Variants in DPM2 observed in about 807,000 individuals in gnomAD.
DPM2 encodes the protein dolichol phosphate-mannose biosynthesis regulatory protein.
A neutral mutation model predicts 12.1 loss-of-function variants in DPM2; 8 were observed. The ratio of observed to expected loss-of-function variants is 0.66; its 90% CI spans 0.39 to 1.19. DPM2 has a LOEUF of 1.19. DPM2 is among the 50% of genes most tolerant of loss of function. The pLI is 0.01. For missense variants in DPM2, 93 were observed against 102.5 expected, an observed-to-expected ratio of 0.91 and a Z score of 0.40; for synonymous variants, 38 against 44.7, an observed-to-expected ratio of 0.85 and a Z score of 0.60.
chr9:127,936,164 C>A, intron 3 of DPM2: 1 of 980,398 alleles, frequency 1.0e-6, no homozygotes, highest in Non-Finnish European at 1.4e-6. Flanking sequence ...ACTGACTCAT[C>A]CAAATGACTT....
At chr9:127,937,649 G>A in intron 1 of DPM2, 126 bp from the exon 2 acceptor site, 1 of 1,203,730 alleles carries the variant, frequency 8.3e-7, no homozygotes. Flanking sequence ...GGCTGACTAG[G>A]GATCAGTTTC....
chr9:127,937,501 A>T lies in DPM2; in HGVS notation c.26T>A (p.Val9Glu). 1 of 1,613,980 alleles carries T rather than the reference A, an allele frequency of 6.2e-7. No individual in the cohort carries two copies. The highest frequency in any genetic ancestry group is 8.5e-7 in the Non-Finnish European group (1 of 1,179,874). MATGTDQV[V>E]GLGLVAVSLI... is the part of the protein sequence containing the mutation. ...GCTAACGGCGACGAGGCCGAGTCCC[A>T]CCACCTGGTCTGTCCCCGTGGCCTG... is the stretch of plus-strand genomic sequence containing the variant. Residue 9 changes from valine (V) to glutamate (E), a missense_variant, in exon 2 of 4, where the codon GTG becomes GAG. Coordinates refer to ENST00000314392, the MANE Select transcript of DPM2 (RefSeq NM_003863.4).
At chr9:127,936,411 A>G (rs1470788234) in intron 3 of DPM2, 142 bp downstream of exon 3, 4 of 1,580,588 alleles carry the variant, frequency 2.5e-6, no homozygotes, top group Non-Finnish European at 2.6e-6. Flanking sequence ...ACTGACTGGC[A>G]GCCTCGAAGG....
intron 3 of DPM2, chr9:127,936,290 G>A: frequency 1.4e-6 from 2 of 1,446,998 alleles, no homozygotes; most frequent in Non-Finnish European, 1.8e-6. Context: ...AAGCCAGGGT[G>A]ACAAGAGGGT....
intron 3 of DPM2, 124 bp downstream of exon 3, chr9:127,936,429 G>T: frequency 6.2e-7 from 1 of 1,602,160 alleles, no homozygotes; most frequent in Non-Finnish European, 8.5e-7. Flanking sequence ...AGGATGAACA[G>T]GAAAACCCCA....
Position 127,935,598 on chromosome 9 carries a change from C to T in DPM2, c.*124G>A. The T allele has an allele frequency of 1.0e-6, 1 of 957,664 alleles. No homozygotes were observed. The highest frequency in any genetic ancestry group is 1.6e-6 in the Non-Finnish European group (1 of 615,024). The allele number at this position is 957,664 out of a possible 1,614,324, so 59.3% of individuals were successfully genotyped here. A position where few individuals can be genotyped will look rare whatever the true frequency, so the allele number is the denominator to read the frequency against. On this transcript the variant is annotated 3_prime_UTR_variant, in exon 4 of 4. Coordinates refer to ENST00000314392, the MANE Select transcript of DPM2 (RefSeq NM_003863.4). ...AGGTGTAAGCTCCATGCCATGGGGA[C>T]TCTGCAGGACAGGCAGGCTTGAGGA...
intron 2 of DPM2, chr9:127,937,169 C>T (rs1479639447): frequency 1.6e-5 from 6 of 378,326 alleles, no homozygotes; most frequent in African/African-American, 1.2e-4. Flanking sequence ...AACAGAACTC[C>T]CCCAAAAGTC....
At chr9:127,935,872 G>A in intron 3 of DPM2, 92 bp from the exon 4 acceptor site, 1 of 1,298,440 alleles carries the variant, frequency 7.7e-7, no homozygotes, top group Non-Finnish European at 1.1e-6. Flanking sequence ...CCCACACACA[G>A]GGCTGTGAAC....
rs775355549 is a variant in DPM2, at chr9:127,937,826, C to T, written c.-6G>A. 5.6e-6 allele frequency: 9 copies of T among 1,602,844 alleles called. No individual in the cohort carries two copies. Among genetic ancestry groups the T allele is most frequent in the South Asian group, 2.2e-5 (2 of 89,178 alleles). On this transcript the variant is annotated 5_prime_UTR_variant, in exon 1 of 4. Coordinates refer to ENST00000314392, the MANE Select transcript of DPM2 (RefSeq NM_003863.4). ...CACGGTGCCAATCTCACCATTTCCC[C>T]GCGCGCTCAGCCACCCGAGCCGCAA...
chr9:127,935,425 G>T lies in DPM2; in HGVS notation c.*297C>A. ...AGTGAGGCAAGACGGCAGAACCCAG[G>T]GGAAAAGGTGGCAGGGAGTCTGAGA... On this transcript the variant is annotated 3_prime_UTR_variant, in exon 4 of 4. Coordinates refer to ENST00000314392, the MANE Select transcript of DPM2 (RefSeq NM_003863.4). The T allele has an allele frequency of 2.0e-6, 1 of 496,152 alleles. No homozygotes were observed. The highest frequency in any genetic ancestry group is 3.7e-6 in the Non-Finnish European group (1 of 272,720). 30.7% of individuals were successfully genotyped at this position (496,152 alleles called of 1,614,324 possible). A position where few individuals can be genotyped will look rare whatever the true frequency, so the allele number is the denominator to read the frequency against.
At chr9:127,936,013 G>T in intron 3 of DPM2, 1 of 599,676 alleles carries the variant, frequency 1.7e-6, no homozygotes, top group Non-Finnish European at 2.9e-6. Context: ...TAGTGTTTCA[G>T]ATTCCAAGGG....
chr9:127,936,340 G>GA lies in DPM2; in HGVS notation c.196+212dup, dbSNP rs775944344. ...CAGAGTGATGATGGGGTTGGGGCAG[G>GA]AAAGAGGTAGACAGGTCATTGGAGT... is the stretch of plus-strand genomic sequence containing the variant. On this transcript the variant is annotated intron_variant, in intron 3 of 3. Transcript: ENST00000314392. 3 of 1,498,508 alleles carry GA rather than the reference G, an allele frequency of 2.0e-6. No individual in the cohort carries two copies. In the South Asian group the frequency reaches 3.9e-5, roughly 19 times the overall value. The allele number at this position is 1,498,508 out of a possible 1,614,324, so 92.8% of individuals were successfully genotyped here.
intron 3 of DPM2, 107 bp downstream of exon 3, chr9:127,936,446 A>AGTTCG: frequency 6.2e-7 from 1 of 1,609,684 alleles, no homozygotes; most frequent in Non-Finnish European, 8.5e-7. Context: ...CCCACGGGTG[A>AGTTCG]GTTCGGGGCA....
chr9:127,936,806 T>TG, intron 2 of DPM2, 151 bp from the exon 3 acceptor site: 1 of 642,376 alleles, frequency 1.6e-6, no homozygotes, highest in Non-Finnish European at 2.3e-6. Flanking sequence ...TTGGGTGTCG[T>TG]GGTTTGTTTC....
rs1298413926 is a variant in DPM2 at position 127,935,553 on chromosome 9, G to T, written c.*169C>A. 1 of 686,400 alleles carries T rather than the reference G, an allele frequency of 1.5e-6. No individual in the cohort carries two copies. The highest frequency in any genetic ancestry group is 2.5e-6 in the Non-Finnish European group (1 of 394,748). The allele number at this position is 686,400 out of a possible 1,614,324, so 42.5% of individuals were successfully genotyped here. ...CCTAGCTTCTGGAAGTGGGAGTCGG[G>T]GAGGGGGCTCCAGTCAGTCAGGTGT... On this transcript the variant is annotated 3_prime_UTR_variant, in exon 4 of 4. Transcript: ENST00000314392.
At position 127,937,439 on chromosome 9, in the gene DPM2, G is replaced by C. The variant is rs886063483; in HGVS notation, c.88C>G (p.Leu30Val). 1.9e-6 allele frequency: 3 copies of C among 1,612,496 alleles called. No individual in the cohort carries two copies. Among genetic ancestry groups the C allele is most frequent in the Non-Finnish European group, 2.5e-6 (3 of 1,178,906 alleles). The change falls in exon 2 of 4, where the codon CTC becomes GTC. Residue 30 changes from leucine (L) to valine (V), a missense_variant. By Grantham distance (32) the Leu-to-Val change is conservative. Transcript: ENST00000314392. Reference protein sequence around the residue: ...IFTYYTAWVILLPFIDSQHVI... With the variant: ...IFTYYTAWVIVLPFIDSQHVI... ...GGACGGGGAGAATGACATACCAAGA[G>C]AATCACCCAGGCGGTGTAGTAGGTG...
At chr9:127,935,959 A>G (rs552818098) in intron 3 of DPM2, 179 bp from the exon 4 acceptor site, 1 of 624,128 alleles carries the variant, frequency 1.6e-6, no homozygotes, top group South Asian at 1.9e-5. Context: ...ACATTCACTC[A>G]ACAAACACCA....
At chr9:127,935,855 A>G in intron 3 of DPM2, 75 bp from the exon 4 acceptor site, 1 of 1,433,326 alleles carries the variant, frequency 7.0e-7, no homozygotes, top group Non-Finnish European at 9.8e-7. Flanking sequence ...ATGACACAGC[A>G]GAGCCACCCA....
chr9:127,937,636 G>C (rs1831530736), intron 1 of DPM2, 113 bp from the exon 2 acceptor site: 1 of 1,220,086 alleles, frequency 8.2e-7, no homozygotes, highest in Non-Finnish European at 1.2e-6. Context: ...ACAGATGGTA[G>C]AGGGCTGACT....
Sources: gnomAD v4.1 joint callset for allele counts on GRCh38, gnomAD v4.1.1 for gene constraint, MANE v1.5 for transcripts, NCBI Gene and HGNC (gene_info 2026-07-23, HGNC 2026-07-21) for gene names.